CD151: variants seen among roughly 807,000 people sequenced by gnomAD.
CD151 encodes CD151 antigen.
CD151 carries 20 observed loss-of-function variants against 34.2 expected under a neutral mutation model. The ratio of observed to expected loss-of-function variants is 0.58; its 90% confidence interval spans 0.41 to 0.85. The LOEUF is 0.85. Ranked by LOEUF, CD151 falls within the 40% of genes least tolerant of loss-of-function variation. The pLI is 0.00. For synonymous variants in CD151, 157 were observed against 131.7 expected, an observed-to-expected ratio of 1.19 and a Z score of -1.32; for missense variants, 306 against 324.5, an observed-to-expected ratio of 0.94 and a Z score of 0.44.
In CD151 at chr11:836,065, C is replaced by A. The variant is rs770018700; in HGVS notation, c.-5C>A. Reference sequence around the variant, plus strand: ...TGACCCCTCCCCTGCCTCCTCAGCCCCAGGATGGGTGAGTTCAACGAGAAG... The same window carrying A: ...TGACCCCTCCCCTGCCTCCTCAGCCACAGGATGGGTGAGTTCAACGAGAAG... On this transcript the variant is annotated splice_region_variant and 5_prime_UTR_variant, in exon 3 of 9. Coordinates refer to ENST00000397420, the MANE Select transcript of CD151 (RefSeq NM_004357.5). The A allele has an allele frequency of 6.2e-7, 1 of 1,607,020 alleles. No homozygotes were observed.
At chr11:834,745 G>T (rs11246324) in intron 2 of CD151, 154 bp downstream of exon 2, 16,375 of 152,476 alleles carry the variant, frequency 0.11, 2,503 homozygotes, top group East Asian at 0.64. Context: ...CACTGCTGCA[G>T]GTCGGGCGGG....
At position 837,465 on chromosome 11, in the gene CD151, C is replaced by T. The variant is rs774122528; in HGVS notation, c.462C>T (p.His154=). 4.3e-6 allele frequency: 7 copies of T among 1,612,976 alleles called. No homozygotes were observed. In the Admixed American group the frequency reaches 6.7e-5, roughly 15 times the overall value. The change falls in exon 7 of 9, where the codon CAC becomes CAT. Residue 154 remains histidine (H), a synonymous_variant. Coordinates refer to ENST00000397420, the MANE Select transcript of CD151 (RefSeq NM_004357.5). Reference sequence around the variant, plus strand: ...CAGCCTTGTTCTTGATGCAGTTCCACTGCTGTGGCAGCAACAACTCACAGG... The same window carrying T: ...CAGCCTTGTTCTTGATGCAGTTCCATTGCTGTGGCAGCAACAACTCACAGG... ...SAVDQLQQEF[H]CCGSNNSQDW...
At chr11:836,982 A>G in intron 5 of CD151, 139 bp downstream of exon 5, 1 of 773,596 alleles carries the variant, frequency 1.3e-6, no homozygotes. Context: ...GGCCCTGGAG[A>G]TGGGGTCTAG....
intron 4 of CD151, 132 bp downstream of exon 4, chr11:836,574 G>A: frequency 1.2e-6 from 1 of 823,970 alleles, no homozygotes; most frequent in Non-Finnish European, 1.9e-6. Flanking sequence ...CACCTGCCTA[G>A]TCCTGTGGGT....
rs1846875806 is a variant in CD151 at position 838,665 on chromosome 11, T to G, written c.*473T>G. The G allele has an allele frequency of 1.2e-4, 26 of 214,594 alleles. No individual in the cohort carries two copies. The South Asian group carries it at 1.9e-3, about 15-fold the overall frequency. 13.3% of individuals were successfully genotyped at this position (214,594 alleles called of 1,614,324 possible). A position where few individuals can be genotyped will look rare whatever the true frequency, so the allele number is the denominator to read the frequency against. On this transcript the variant is annotated 3_prime_UTR_variant, in exon 9 of 9. Transcript: ENST00000397420. ...TCCCTCGACAGCGCCCCTGCTGTCT[T>G]CCCCACCGCAGTCACCACCACCCGA...
At chr11:837,812 C>A in intron 7 of CD151, 130 bp from the exon 8 acceptor site, 1 of 867,852 alleles carries the variant, frequency 1.2e-6, no homozygotes. Flanking sequence ...CAGTGGCTGG[C>A]TGAGCTGTTG....
Position 837,950 on chromosome 11 carries a change from C to T in CD151, c.624C>T (p.Cys208=), listed in dbSNP as rs1846841620. 1.2e-6 allele frequency: 2 copies of T among 1,612,382 alleles called. No homozygotes were observed. The highest frequency in any genetic ancestry group is 8.5e-7 in the Non-Finnish European group (1 of 1,179,440). The change falls in exon 8 of 9, where the codon TGC becomes TGT. Residue 208 remains cysteine (C), a synonymous_variant. Transcript: ENST00000397420. ...ASNIYKVEGG[C]ITKLETFIQE... is the part of the protein sequence containing the mutation. Reference sequence around the variant, plus strand: ...CCATCCGCGCCCCGCAGGGCGGCTGCATCACCAAGTTGGAGACCTTCATCC... The same window carrying T: ...CCATCCGCGCCCCGCAGGGCGGCTGTATCACCAAGTTGGAGACCTTCATCC...
At chr11:836,679 G>A in intron 4 of CD151, 90 bp from the exon 5 acceptor site, 1 of 1,293,726 alleles carries the variant, frequency 7.7e-7, no homozygotes. Context: ...CCTGGAGCCT[G>A]GGGAGCCGGG....
At chr11:835,591 C>T (rs1846725985) in intron 2 of CD151, 2 of 157,302 alleles carry the variant, frequency 1.3e-5, no homozygotes, top group Admixed American at 1.2e-4. Context: ...TTGCACCTGC[C>T]TTGGCCTCCC....
chr11:836,484 G>A (rs1341726539), intron 4 of CD151, 42 bp downstream of exon 4: 1 of 1,452,698 alleles, frequency 6.9e-7, no homozygotes, highest in East Asian at 2.4e-5. Context: ...TGGTGCAGAT[G>A]GGCCCAAGGA....
intron 7 of CD151, 76 bp downstream of exon 7, chr11:837,694 G>A: frequency 6.9e-7 from 1 of 1,458,156 alleles, no homozygotes; most frequent in Non-Finnish European, 9.5e-7. Context: ...GCTGTGGGCA[G>A]TGGGACACGC....
At chr11:837,747 G>A (rs1846832125) in intron 7 of CD151, 129 bp downstream of exon 7, 3 of 1,007,878 alleles carry the variant, frequency 3.0e-6, no homozygotes, top group South Asian at 1.5e-5. Context: ...CCAGTGGCCG[G>A]ATGTGGGCAG....
chr11:835,448 C>T (rs527935530), intron 2 of CD151: 3 of 151,646 alleles, frequency 2.0e-5, no homozygotes, highest in South Asian at 4.2e-4. Context: ...ATGCCATTCT[C>T]CTGCCTCAGC....
chr11:833,097 G>GGCGAGGGGC (rs1284703997), intron 1 of CD151, 71 bp downstream of exon 1: 7 of 150,944 alleles, frequency 4.6e-5, no homozygotes, highest in Non-Finnish European at 8.9e-5. Flanking sequence ...GCGCGAGGGG[G>GGCGAGGGGC]GCGAGGGGCG....
At chr11:837,836 C>G (rs1846835019) in intron 7 of CD151, 106 bp from the exon 8 acceptor site, 2 of 934,032 alleles carry the variant, frequency 2.1e-6, no homozygotes, top group East Asian at 5.3e-5. Flanking sequence ...GCCTGGCTGC[C>G]TAGGTGCTAG....
At position 838,357 on chromosome 11, in the gene CD151, C is replaced by A; in HGVS notation, c.*165C>A. On this transcript the variant is annotated 3_prime_UTR_variant, in exon 9 of 9. Coordinates refer to ENST00000397420, the MANE Select transcript of CD151 (RefSeq NM_004357.5). ...GTGCCTTTTGCTGCGCACCAATGCCCAGCAGGGGAGGTGAGGGGGGCTGGC... is the reference window on the plus strand; with the variant it reads ...GTGCCTTTTGCTGCGCACCAATGCCAAGCAGGGGAGGTGAGGGGGGCTGGC... 1.7e-6 allele frequency: 1 copy of A among 593,788 alleles called. No homozygotes were observed. Among genetic ancestry groups the A allele is most frequent in the Non-Finnish European group, 3.0e-6 (1 of 335,128 alleles). The allele number at this position is 593,788 out of a possible 1,614,324, so 36.8% of individuals were successfully genotyped here. A position where few individuals can be genotyped will look rare whatever the true frequency, so the allele number is the denominator to read the frequency against.
intron 5 of CD151, 93 bp downstream of exon 5, chr11:836,936 A>C (rs1590210169): frequency 9.2e-7 from 1 of 1,089,850 alleles, no homozygotes; most frequent in Non-Finnish European, 1.4e-6. Flanking sequence ...CCCAACCCCC[A>C]CCCCCATGGT....
At chr11:835,792 A>G in intron 2 of CD151, 1 of 390,654 alleles carries the variant, frequency 2.6e-6, no homozygotes. Context: ...GGTTCACGCC[A>G]TTCTCCTGCC....
chr11:835,898 A>C, intron 2 of CD151, 165 bp from the exon 3 acceptor site: 1 of 606,880 alleles, frequency 1.6e-6, no homozygotes, highest in South Asian at 1.8e-5. Context: ...CGTGTTAGCC[A>C]GGATGGTCTT....
Sources: allele counts gnomAD v4.1 joint callset, GRCh38; gene constraint gnomAD v4.1.1; transcripts MANE v1.5; gene names NCBI Gene and HGNC (gene_info 2026-07-23, HGNC 2026-07-21).